Variants in MED27 observed in about 807,000 individuals in gnomAD.
MED27 encodes the protein mediator complex subunit 27, also known as mediator of RNA polymerase II transcription subunit 27.
In MED27, 30 loss-of-function variants were observed where a neutral mutation model predicts 38.2. The ratio of observed to expected loss-of-function variants is 0.79; its 90% CI spans 0.59 to 1.07. The LOEUF (loss-of-function observed/expected upper bound fraction) is 1.07. Ranked by LOEUF, MED27 falls within the 50% of genes least tolerant of loss-of-function variation. The probability of loss-of-function intolerance (pLI) is 0.00; values close to 1 mark genes in which losing one functional copy is unlikely to be tolerated. For missense variants in MED27, 289 were observed against 397.5 expected (o/e 0.73, Z 2.32); for synonymous variants, 122 against 153.5 (o/e 0.79, Z 1.52).
intron 2 of MED27, among the ~76,000 whole-genome samples, chr9:132,023,654 C>T (rs1832762062): frequency 6.6e-6 from 1 of 152,106 alleles, no homozygotes; most frequent in South Asian, 2.1e-4. Context: ...ATCAGCCATC[C>T]CCTTACTCCC....
rs1287015026 is a variant in MED27, at chr9:131,872,041, C to A, written c.724-8901G>T. Among the ~76,000 whole-genome samples the A allele has an allele frequency of 6.6e-6, 1 of 152,326 alleles. No individual in the cohort carries two copies. Among genetic ancestry groups the A allele is most frequent in the African/African-American group, 2.4e-5 (1 of 41,576 alleles). ...TGGCCCCAGGGGGCATGCTCCTGGG[C>A]CGGAGTGGAGGCTGGCGACGCAGCA... On this transcript the variant is annotated intron_variant, in intron 6 of 7. Coordinates refer to ENST00000292035, the MANE Select transcript of MED27 (RefSeq NM_004269.4). This position sits in a 1 kb window ranked among gnomAD's most constrained non-coding sequence, Gnocchi z 5.6.
rs190894186 is a variant in MED27 at position 131,937,134 on chromosome 9, C to T, written c.573+2247G>A. Among the ~76,000 whole-genome samples, 155 of 152,304 alleles carry T rather than the reference C, an allele frequency of 1.0e-3. 1 individual carries two copies. Among genetic ancestry groups the T allele is most frequent in the African/African-American group, 3.6e-3 (151 of 41,556 alleles). ...TGCTCCCCCTCCAGGTAGGAATTCC[C>T]ATCACCCACCTCACGATGGATGTGG... On this transcript the variant is annotated intron_variant, in intron 4 of 7. Coordinates refer to ENST00000292035, the MANE Select transcript of MED27 (RefSeq NM_004269.4).
intron 6 of MED27, among the ~76,000 whole-genome samples, chr9:131,877,321 T>C (rs1282830512): frequency 1.3e-5 from 2 of 152,090 alleles, no homozygotes; most frequent in Non-Finnish European, 2.9e-5. Flanking sequence ...ATCCCAGCAC[T>C]TTGGGAGGCT....
chr9:132,016,889 A>C (rs926514747), intron 2 of MED27, among the ~76,000 whole-genome samples: 2 of 152,204 alleles, frequency 1.3e-5, no homozygotes, highest in African/African-American at 4.8e-5. Context: ...ATGTACGCTA[A>C]CTGCTATCTG....
Position 132,033,295 on chromosome 9 carries a change from T to C in MED27, c.349-18828A>G, listed in dbSNP as rs74859913. ...AATCACGAAGCTTCCTGGGACATTG[T>C]ATGGTCCGAGGCTTCGGATTCAATA... is the stretch of plus-strand genomic sequence containing the variant. On this transcript the variant is annotated intron_variant, in intron 2 of 7. Transcript: ENST00000292035. Among the ~76,000 whole-genome samples, 490 of 152,348 alleles carry C rather than the reference T, an allele frequency of 3.2e-3. 3 individuals are homozygous for C. The highest frequency in any genetic ancestry group is 0.011 in the African/African-American group (474 of 41,578).
intron 2 of MED27, among the ~76,000 whole-genome samples, chr9:132,042,781 A>G (rs563138119): frequency 2.6e-5 from 4 of 152,350 alleles, no homozygotes; most frequent in South Asian, 2.1e-4. Flanking sequence ...GAGCCAGTGG[A>G]AAATCCCCAG....
intron 4 of MED27, among the ~76,000 whole-genome samples, chr9:131,930,612 TA>T (rs1830567478): frequency 6.6e-6 from 1 of 152,154 alleles, no homozygotes; most frequent in South Asian, 2.1e-4. Flanking sequence ...TAAGGAATGC[TA>T]AAGGGAGTTC....
chr9:131,907,477 A>C (rs1830088744), intron 4 of MED27, among the ~76,000 whole-genome samples: 1 of 152,158 alleles, frequency 6.6e-6, no homozygotes, highest in Admixed American at 6.5e-5. Context: ...GCCTCCGCCT[A>C]CCGAGGTGCC....
chr9:131,903,908 CT>C (rs1364742220), intron 4 of MED27, among the ~76,000 whole-genome samples: 23 of 104,770 alleles, frequency 2.2e-4, no homozygotes, highest in African/African-American at 5.9e-4. Context: ...TTTTTTTTTT[CT>C]TTTTTTTGAG....
At position 132,043,084 on chromosome 9, in the gene MED27, G is replaced by GA. The variant is rs1217712377; in HGVS notation, c.349-28618dup. Among the ~76,000 whole-genome samples the GA allele has an allele frequency of 3.3e-5, 5 of 152,058 alleles. No homozygotes were observed. The East Asian group carries it at 7.7e-4, about 23-fold the overall frequency. On this transcript the variant is annotated intron_variant, in intron 2 of 7. Transcript: ENST00000292035. The stretch of plus-strand genomic sequence containing the variant: ...TCCCCAAAATTTAAATGACTCTTCA[G>GA]AAAAAATCTATATAGTTAAAACCAA...
intron 4 of MED27, among the ~76,000 whole-genome samples, chr9:131,929,779 A>T (rs1830547945): frequency 2.0e-5 from 3 of 152,322 alleles, no homozygotes; most frequent in Middle Eastern, 6.8e-3. Context: ...TGGCTCTCAG[A>T]CAGCATCTGT....
chr9:131,873,694 C>T lies in MED27; in HGVS notation c.723+10364G>A, dbSNP rs182764835. On this transcript the variant is annotated intron_variant, in intron 6 of 7. Transcript: ENST00000292035. Reference sequence around the variant, plus strand: ...TGCTGCTCTGGGATGAGACCAGAGGCAAGGCTGCCTGAGCTGGAACTGGAG... The same window carrying T: ...TGCTGCTCTGGGATGAGACCAGAGGTAAGGCTGCCTGAGCTGGAACTGGAG... Among the ~76,000 whole-genome samples the T allele has an allele frequency of 1.6e-4, 24 of 152,306 alleles. No homozygotes were observed. The East Asian group carries it at 3.9e-3, about 25-fold the overall frequency.
chr9:131,970,162 C>G (rs1334400708), intron 3 of MED27, among the ~76,000 whole-genome samples: 1 of 152,246 alleles, frequency 6.6e-6, no homozygotes. Context: ...GCCCACAAAC[C>G]CTTACAAAAG....
chr9:131,960,106 A>T (rs1589234931), intron 3 of MED27, among the ~76,000 whole-genome samples: 1 of 152,220 alleles, frequency 6.6e-6, no homozygotes, highest in East Asian at 1.9e-4. Context: ...ATTAAAGGGC[A>T]CATACCTCAT....
rs10283584 is a variant in MED27 at position 132,054,219 on chromosome 9, C to A, written c.348+23223G>T. Among the ~76,000 whole-genome samples, 880 of 152,080 alleles carry A rather than the reference C, an allele frequency of 5.8e-3. 8 individuals carry two copies. The highest frequency in any genetic ancestry group is 0.02 in the African/African-American group (839 of 41,472). ...CGGATCCCTCATGGCTTGGTGCTGT[C>A]CTGGCCATATTGACGTCTCCTTTAA... On this transcript the variant is annotated intron_variant, in intron 2 of 7. Coordinates refer to ENST00000292035, the MANE Select transcript of MED27 (RefSeq NM_004269.4).
chr9:131,910,465 A>G (rs1199468082), intron 4 of MED27, among the ~76,000 whole-genome samples: 1 of 152,224 alleles, frequency 6.6e-6, no homozygotes, highest in Non-Finnish European at 1.5e-5. Flanking sequence ...TAAAATCAGA[A>G]TGTGATATTA....
In MED27 at chr9:132,038,471, C is replaced by T. The variant is rs568294440; in HGVS notation, c.349-24004G>A. Among the ~76,000 whole-genome samples, 6 of 151,444 alleles carry T rather than the reference C, an allele frequency of 4.0e-5. No individual in the cohort carries two copies. In the East Asian group the frequency reaches 7.9e-4, roughly 20 times the overall value. On this transcript the variant is annotated intron_variant, in intron 2 of 7. Coordinates refer to ENST00000292035, the MANE Select transcript of MED27 (RefSeq NM_004269.4). Reference sequence around the variant, plus strand: ...CCTCCCAAAGTGCTGGGATTACAGGCGTGAGCCACCGCGCCCGGCCGCCAG... The same window carrying T: ...CCTCCCAAAGTGCTGGGATTACAGGTGTGAGCCACCGCGCCCGGCCGCCAG...
At chr9:131,967,745 G>A (rs1438163634) in intron 3 of MED27, among the ~76,000 whole-genome samples, 3 of 148,994 alleles carry the variant, frequency 2.0e-5, no homozygotes, top group Admixed American at 1.3e-4. Flanking sequence ...CAGGTGATCC[G>A]CCCTCCTCAG....
At chr9:131,878,771 A>AGTG (rs1838982599) in intron 6 of MED27, among the ~76,000 whole-genome samples, 1 of 152,114 alleles carries the variant, frequency 6.6e-6, no homozygotes, top group South Asian at 2.1e-4. Context: ...AAATATGAAC[A>AGTG]CGCTTGAAAC....
Sources: allele counts gnomAD v4.1 joint callset (sites outside exome capture counted in the v4.1 genomes callset), GRCh38; gene constraint gnomAD v4.1.1; non-coding constraint Gnocchi (gnomAD v3.1); transcripts MANE v1.5; gene names NCBI Gene and HGNC (gene_info 2026-07-23, HGNC 2026-07-21).